The following ACSBG1 variants were observed in gnomAD, a reference collection of about 807,000 sequenced individuals.
ACSBG1 encodes the protein acyl-CoA synthetase bubblegum family member 1, also known as long-chain-fatty-acid--CoA ligase ACSBG1.
ACSBG1 carries 39 observed loss-of-function variants against 80.2 expected under a neutral mutation model. That is an observed-to-expected ratio of 0.49 (90% CI 0.38 to 0.64). The LOEUF (loss-of-function observed/expected upper bound fraction) is 0.64. Among genes scored for constraint, ACSBG1 ranks in the 30% least tolerant of loss-of-function variants. The pLI, the probability that ACSBG1 is intolerant of heterozygous loss-of-function variation, is 0.00. For missense variants in ACSBG1, 828 were observed against 966.4 expected, an observed-to-expected ratio of 0.86 and a Z score of 1.90; for synonymous variants, 392 against 379.5, an observed-to-expected ratio of 1.03 and a Z score of -0.38.
At chr15:78,231,303 A>AT (rs1375966969) in intron 1 of ACSBG1, among the ~76,000 whole-genome samples, 98 of 135,424 alleles carry the variant, frequency 7.2e-4, no homozygotes, top group South Asian at 1.8e-3. Context: ...TTTTTTTTGT[A>AT]TTTTTTTAGT....
chr15:78,180,920 G>T lies in ACSBG1; in HGVS notation c.1088C>A (p.Thr363Lys). 1 of 1,614,068 alleles carries T rather than the reference G, an allele frequency of 6.2e-7. No homozygotes were observed. The highest frequency in any genetic ancestry group is 1.3e-5 in the African/African-American group (1 of 75,062). The change falls in exon 9 of 14, where the codon ACG (threonine) becomes AAG (lysine). Residue 363 changes from threonine to lysine, a missense_variant. Thr to Lys is a moderately conservative substitution (Grantham distance 78, BLOSUM62 -1). This residue lies in a region of ACSBG1 where 271 missense variants were observed against 375.9 expected (regional missense o/e 0.72). Coordinates refer to ENST00000258873, the MANE Select transcript of ACSBG1 (RefSeq NM_015162.5). ...PDALKGSLVNTLREVEPTSHM... is the reference protein window; with the variant it reads ...PDALKGSLVNKLREVEPTSHM... ...TGATGTGGGCTCCACCTCCCGCAGC[G>T]TGTTCACCAGGCTCCCCTGTTCACA...
intron 1 of ACSBG1, among the ~76,000 whole-genome samples, chr15:78,228,393 T>C (rs1371280590): frequency 6.6e-6 from 1 of 152,160 alleles, no homozygotes; most frequent in Non-Finnish European, 1.5e-5. Context: ...TGATAATATG[T>C]GAATGTTGTA....
At chr15:78,233,017 G>A (rs1221771058) in intron 1 of ACSBG1, among the ~76,000 whole-genome samples, 1 of 152,256 alleles carries the variant, frequency 6.6e-6, no homozygotes, top group South Asian at 2.1e-4. Context: ...TGAGCATCTC[G>A]CCTGGCCTTC....
At chr15:78,213,799 T>A (rs1331945915) in intron 1 of ACSBG1, 1 of 152,300 alleles carries the variant, frequency 6.6e-6, no homozygotes, top group Non-Finnish European at 1.5e-5. Context: ...TTGTTTGGTT[T>A]GGTTCCTTAC....
intron 5 of ACSBG1, 195 bp from the exon 6 acceptor site, chr15:78,182,980 G>T: frequency 1.6e-6 from 1 of 620,188 alleles, no homozygotes; most frequent in Non-Finnish European, 2.8e-6. Context: ...TAAAGGTGGG[G>T]ATAGCCAGGG....
At chr15:78,199,447 C>A (rs2075146053) in intron 2 of ACSBG1, among the ~76,000 whole-genome samples, 1 of 151,558 alleles carries the variant, frequency 6.6e-6, no homozygotes, top group Non-Finnish European at 1.5e-5. Flanking sequence ...GTAATCACAG[C>A]ACTTTGGGAG....
At chr15:78,220,291 G>T (rs1308920279) in intron 1 of ACSBG1, among the ~76,000 whole-genome samples, 6 of 152,248 alleles carry the variant, frequency 3.9e-5, no homozygotes. Context: ...AATAAATAAA[G>T]TTAGATTCTT....
chr15:78,187,068 A>G (rs2075011581), intron 5 of ACSBG1, among the ~76,000 whole-genome samples: 1 of 152,208 alleles, frequency 6.6e-6, no homozygotes, highest in Non-Finnish European at 1.5e-5. Flanking sequence ...AAACTAGAAA[A>G]TCTACAAGAA....
chr15:78,222,953 GA>G (rs1423295902), intron 1 of ACSBG1, among the ~76,000 whole-genome samples: 1 of 152,182 alleles, frequency 6.6e-6, no homozygotes, highest in Non-Finnish European at 1.5e-5. Context: ...GAGGTGGCTT[GA>G]AATCTTACCT....
chr15:78,182,201 T>C, intron 7 of ACSBG1, 56 bp from the exon 8 acceptor site: 2 of 1,574,814 alleles, frequency 1.3e-6, no homozygotes, highest in Non-Finnish European at 1.7e-6. Flanking sequence ...CTGGCGGTGC[T>C]CACAACTGTG....
intron 2 of ACSBG1, among the ~76,000 whole-genome samples, chr15:78,204,604 G>A (rs1223814252): frequency 6.6e-6 from 1 of 152,236 alleles, no homozygotes; most frequent in Non-Finnish European, 1.5e-5. Context: ...TTGGCTGGCA[G>A]GGCCGGGATT....
chr15:78,180,719 C>G (rs201408176), intron 9 of ACSBG1, 36 bp downstream of exon 9: 28 of 1,599,802 alleles, frequency 1.8e-5, no homozygotes, highest in Admixed American at 1.7e-5. Flanking sequence ...CCAGCCCACT[C>G]TCTCCCCAGG....
intron 2 of ACSBG1, among the ~76,000 whole-genome samples, chr15:78,196,085 C>T (rs942338288): frequency 2.6e-5 from 4 of 152,172 alleles, no homozygotes; most frequent in Non-Finnish European, 5.9e-5. Flanking sequence ...GCAGGAAATG[C>T]AGGCGGGACA....
Position 78,173,622 on chromosome 15 carries a change from C to G in ACSBG1, c.2060G>C (p.Arg687Thr). The change falls in exon 13 of 14, where the codon AGA becomes ACA. Residue 687 changes from arginine (R) to threonine (T), a missense_variant. By Grantham distance (71) the Arg-to-Thr change is moderately conservative. Around this residue, in one of 3 missense-constraint regions of ACSBG1, gnomAD observed 201 missense variants for 227.0 expected, o/e 0.89. Coordinates refer to ENST00000258873, the MANE Select transcript of ACSBG1 (RefSeq NM_015162.5). Reference protein sequence around the residue: ...YHIQKWAILERDFSISGGELG... With the variant: ...YHIQKWAILETDFSISGGELG... ...CTCTCCACCCGAAATGGAGAAGTCTCTCTCGAGAATGGCCCACTTCTGGAT... is the reference window on the plus strand; with the variant it reads ...CTCTCCACCCGAAATGGAGAAGTCTGTCTCGAGAATGGCCCACTTCTGGAT... 6.2e-7 allele frequency: 1 copy of G among 1,614,196 alleles called. No individual in the cohort carries two copies.
chr15:78,195,861 TCTC>T (rs1373998237), intron 2 of ACSBG1, among the ~76,000 whole-genome samples: 2 of 152,046 alleles, frequency 1.3e-5, no homozygotes, highest in African/African-American at 2.4e-5. Context: ...CCTCGCCTAT[TCTC>T]CTGTCACCGG....
At chr15:78,223,860 G>T (rs926789692) in intron 1 of ACSBG1, among the ~76,000 whole-genome samples, 1 of 152,198 alleles carries the variant, frequency 6.6e-6, no homozygotes, top group Non-Finnish European at 1.5e-5. Flanking sequence ...AGCAGAGAGA[G>T]ATTTGACATG....
intron 9 of ACSBG1, 26 bp downstream of exon 9, chr15:78,180,729 G>A (rs2074933606): frequency 6.2e-7 from 1 of 1,606,358 alleles, no homozygotes; most frequent in Admixed American, 1.7e-5. Context: ...CTCTCCCCAG[G>A]CCTCCCGCCC....
chr15:78,181,168 T>C, intron 8 of ACSBG1: 1 of 536,238 alleles, frequency 1.9e-6, no homozygotes, highest in East Asian at 3.0e-5. Flanking sequence ...CTCAGTCTCA[T>C]CCCAGCCCTG....
intron 2 of ACSBG1, among the ~76,000 whole-genome samples, chr15:78,206,482 C>G (rs2141365386): frequency 6.6e-6 from 1 of 152,338 alleles, no homozygotes; most frequent in South Asian, 2.1e-4. Context: ...GCCCAGTGCA[C>G]AGGGTGGAGG....
Sources: allele counts gnomAD v4.1 joint callset (sites outside exome capture counted in the v4.1 genomes callset), GRCh38; gene constraint gnomAD v4.1.1; regional missense constraint gnomAD v4.1.1; transcripts MANE v1.5; gene names NCBI Gene and HGNC (gene_info 2026-07-23, HGNC 2026-07-21).